HIVEP3: variants seen among roughly 807,000 people sequenced by gnomAD.
The protein encoded by HIVEP3 is HIVEP zinc finger 3, also known as transcription factor HIVEP3.
A neutral mutation model predicts 152.8 loss-of-function variants in HIVEP3; 49 were observed. The observed-to-expected ratio is 0.32, with a 90% CI of 0.26 to 0.41. HIVEP3 has a LOEUF of 0.41. HIVEP3 is among the 10% of genes least tolerant of loss of function. The probability of loss-of-function intolerance (pLI) is 1.00; values close to 1 mark genes in which losing one functional copy is unlikely to be tolerated. For missense variants in HIVEP3, 2,790 were observed against 3,103.3 expected (o/e 0.90, Z 2.40); for synonymous variants, 1,269 against 1,289.0 (o/e 0.98, Z 0.33).
chr1:41,947,642 G>C (rs1039232581), intron 1 of HIVEP3, among the ~76,000 whole-genome samples: 5 of 152,212 alleles, frequency 3.3e-5, no homozygotes, highest in Non-Finnish European at 7.3e-5. Flanking sequence ...AAGCCCCAGT[G>C]TTAAGCTTGC....
At chr1:41,805,737 A>G (rs1021726432) in intron 1 of HIVEP3, among the ~76,000 whole-genome samples, 4 of 152,232 alleles carry the variant, frequency 2.6e-5, no homozygotes, top group African/African-American at 9.7e-5. Context: ...GCCAGAGAGA[A>G]GGGAATAAGG....
chr1:41,708,751 T>C (rs1364486208), intron 1 of HIVEP3, among the ~76,000 whole-genome samples: 2 of 152,216 alleles, frequency 1.3e-5, no homozygotes, highest in African/African-American at 4.8e-5. Flanking sequence ...ATGGCTTCCT[T>C]TGGCACAAAA....
At chr1:42,015,455 T>G (rs116454585) in intron 1 of HIVEP3, among the ~76,000 whole-genome samples, 1 of 152,212 alleles carries the variant, frequency 6.6e-6, no homozygotes, top group Non-Finnish European at 1.5e-5. Flanking sequence ...GCATGGTCAC[T>G]GCCCTTCAGA....
chr1:41,947,727 G>A (rs1329003988), intron 1 of HIVEP3, among the ~76,000 whole-genome samples: 2 of 152,236 alleles, frequency 1.3e-5, no homozygotes, highest in Non-Finnish European at 2.9e-5. Context: ...ACAGGTCCGA[G>A]GGACGAGCTT....
At chr1:41,598,597 C>T (rs533355027) in intron 3 of HIVEP3, among the ~76,000 whole-genome samples, 4 of 152,200 alleles carry the variant, frequency 2.6e-5, no homozygotes, top group Non-Finnish European at 5.9e-5. Flanking sequence ...TCTACTGCAA[C>T]TCATTTCTTC....
intron 1 of HIVEP3, among the ~76,000 whole-genome samples, chr1:41,964,438 C>A (rs780202505): frequency 6.6e-6 from 1 of 152,214 alleles, no homozygotes; most frequent in Non-Finnish European, 1.5e-5. Context: ...TGAGCCCACA[C>A]AACCAGGGTC....
At chr1:41,783,945 G>C (rs553006118) in intron 1 of HIVEP3, among the ~76,000 whole-genome samples, 3 of 152,346 alleles carry the variant, frequency 2.0e-5, no homozygotes, top group African/African-American at 7.2e-5. Flanking sequence ...TTTTCTTGGG[G>C]TGGATTTAGA....
At chr1:41,696,978 T>A (rs556342567) in intron 2 of HIVEP3, among the ~76,000 whole-genome samples, 158 of 152,330 alleles carry the variant, frequency 1.0e-3, no homozygotes, top group Admixed American at 3.1e-3. Flanking sequence ...CTTTGACATG[T>A]GGTATATTTG....
intron 1 of HIVEP3, among the ~76,000 whole-genome samples, chr1:41,981,651 A>C (rs1468245481): frequency 1.3e-5 from 2 of 152,190 alleles, no homozygotes; most frequent in African/African-American, 4.8e-5. Context: ...GACTGATGAG[A>C]GAATGAGGGT....
Position 41,510,455 on chromosome 1 carries a change from G to A in HIVEP3, c.7217C>T (p.Ala2406Val). The change falls in exon 9 of 9, where the codon GCT becomes GTT. Residue 2406 changes from alanine (A) to valine (V), a missense_variant. Ala to Val is a moderately conservative substitution (Grantham distance 64). Around this residue, in one of 9 missense-constraint regions of HIVEP3, gnomAD observed 816 missense variants for 806.5 expected, o/e 1.01. Transcript: ENST00000372583. ...HQPEDRVPPN[A>V] ...GCTGAAGCAGTTGGAGAGAGGCTAA[G>A]CGTTGGGGGGAACCCTGTCCTCAGG... 1 of 1,495,682 alleles carries A rather than the reference G, an allele frequency of 6.7e-7. No homozygotes were observed. Among genetic ancestry groups the A allele is most frequent in the Non-Finnish European group, 8.9e-7 (1 of 1,120,734 alleles). The allele number at this position is 1,495,682 out of a possible 1,614,324, so 92.7% of individuals were successfully genotyped here. A position where few individuals can be genotyped will look rare whatever the true frequency, so the allele number is the denominator to read the frequency against.
At chr1:41,828,414 T>C (rs148379015) in intron 1 of HIVEP3, among the ~76,000 whole-genome samples, 3 of 152,260 alleles carry the variant, frequency 2.0e-5, no homozygotes, top group Admixed American at 2.0e-4. Context: ...ACCGTCCAAA[T>C]GGCATTAGCT....
chr1:41,740,800 T>C (rs978343525), intron 1 of HIVEP3, among the ~76,000 whole-genome samples: 2 of 151,950 alleles, frequency 1.3e-5, no homozygotes, highest in East Asian at 3.9e-4. Flanking sequence ...GCCCTGGCTC[T>C]ACCATTCATC....
At chr1:41,735,277 G>A (rs970200795) in intron 1 of HIVEP3, among the ~76,000 whole-genome samples, 8 of 152,206 alleles carry the variant, frequency 5.3e-5, no homozygotes, top group African/African-American at 1.4e-4. Context: ...GTAAGGGCAC[G>A]TAGAACCATG....
At chr1:41,807,411 G>C (rs747210396) in intron 1 of HIVEP3, among the ~76,000 whole-genome samples, 3 of 152,204 alleles carry the variant, frequency 2.0e-5, no homozygotes, top group Non-Finnish European at 4.4e-5. Flanking sequence ...CACCTGTCTG[G>C]AGTGCCAGAC....
intron 3 of HIVEP3, among the ~76,000 whole-genome samples, chr1:41,607,407 A>G (rs1483563170): frequency 6.6e-6 from 1 of 152,198 alleles, no homozygotes; most frequent in Non-Finnish European, 1.5e-5. Flanking sequence ...ATATTTTACA[A>G]TTTCAGCAAG....
At chr1:41,824,782 T>TAGAGAGAG (rs1177279412) in intron 1 of HIVEP3, among the ~76,000 whole-genome samples, 12 of 14,302 alleles carry the variant, frequency 8.4e-4, no homozygotes, top group South Asian at 3.8e-3. Context: ...TATATATATA[T>TAGAGAGAG]ATAGAGAGAG....
At chr1:41,677,328 A>G (rs1392799561) in intron 2 of HIVEP3, among the ~76,000 whole-genome samples, 1 of 152,248 alleles carries the variant, frequency 6.6e-6, no homozygotes, top group Non-Finnish European at 1.5e-5. Context: ...CCTATGTCGT[A>G]AGAGAGAAAT....
intron 2 of HIVEP3, among the ~76,000 whole-genome samples, chr1:41,643,851 C>A (rs1205003793): frequency 6.6e-6 from 1 of 150,972 alleles, no homozygotes; most frequent in African/African-American, 2.4e-5. Context: ...TGCCCACCCC[C>A]CTCACCCCCT....
At chr1:41,863,072 A>G (rs1256068480) in intron 1 of HIVEP3, among the ~76,000 whole-genome samples, 1 of 152,248 alleles carries the variant, frequency 6.6e-6, no homozygotes, top group Non-Finnish European at 1.5e-5. Flanking sequence ...TGAGTCAAAC[A>G]GAAGTTGAAT....
Sources: gnomAD v4.1 joint callset for allele counts (sites outside exome capture counted in the v4.1 genomes callset) on GRCh38, gnomAD v4.1.1 for gene constraint, gnomAD v4.1.1 regional missense constraint, MANE v1.5 for transcripts, NCBI Gene and HGNC (gene_info 2026-07-23, HGNC 2026-07-21) for gene names.